C14orf93: variants seen among roughly 807,000 people sequenced by gnomAD.
C14orf93 encodes the protein uncharacterized protein C14orf93.
In C14orf93, 23 loss-of-function variants were observed where a neutral mutation model predicts 44.0. The ratio of observed to expected loss-of-function variants is 0.52; its 90% CI spans 0.38 to 0.74. The LOEUF is 0.74. Ranked by LOEUF, C14orf93 falls within the 30% of genes least tolerant of loss-of-function variation. The pLI is 0.00. For missense variants in C14orf93, 579 were observed against 678.9 expected, an observed-to-expected ratio of 0.85 and a Z score of 1.64; for synonymous variants, 253 against 265.7, an observed-to-expected ratio of 0.95 and a Z score of 0.46.
At chr14:22,989,944 A>G in intron 4 of C14orf93, 99 bp from the exon 5 acceptor site, 1 of 1,444,160 alleles carries the variant, frequency 6.9e-7, no homozygotes, top group African/African-American at 1.4e-5. Context: ...AAATCCCTCC[A>G]CAGCCTAAGA....
chr14:23,009,057 A>C (rs1177168801), intron 1 of C14orf93, among the ~76,000 whole-genome samples: 2 of 152,356 alleles, frequency 1.3e-5, no homozygotes, highest in African/African-American at 4.8e-5. Flanking sequence ...ACAGCTGTAC[A>C]CTTAAGAACG....
rs748556066 is a variant in C14orf93 at position 22,998,437 on chromosome 14, A to AG, written c.586dup (p.Leu196ProfsTer8). On this transcript the variant is annotated frameshift_variant, in exon 2 of 7. Coordinates refer to ENST00000299088, the MANE Select transcript of C14orf93 (RefSeq NM_021944.4). LOFTEE classifies it high-confidence loss of function. The stretch of plus-strand genomic sequence containing the variant: ...TGCTGCCATACTCACAGGATTGAGC[A>AG]GGGGGGCCGCCTCGCTGGCAGCCAG... 1.3e-6 allele frequency: 2 copies of AG among 1,573,008 alleles called. No homozygotes were observed. Among genetic ancestry groups the AG allele is most frequent in the Non-Finnish European group, 1.7e-6 (2 of 1,157,794 alleles).
chr14:22,988,924 T>G (rs1488978506), intron 5 of C14orf93, among the ~76,000 whole-genome samples: 1 of 152,080 alleles, frequency 6.6e-6, no homozygotes, highest in Admixed American at 6.5e-5. Context: ...TCAGTCTCTA[T>G]TTAAAAAAAA....
intron 1 of C14orf93, chr14:23,005,254 G>A (rs1344565005): frequency 2.0e-5 from 3 of 152,136 alleles, no homozygotes; most frequent in African/African-American, 7.2e-5. Context: ...AGAGATAATT[G>A]GTTAAAGACA....
rs200431415 is a variant in C14orf93, at chr14:22,987,677, C to A, written c.1198-43G>T. The A allele has an allele frequency of 5.7e-4, 863 of 1,525,230 alleles. No individual in the cohort carries two copies. Among genetic ancestry groups the A allele is most frequent in the Non-Finnish European group, 7.0e-4 (797 of 1,138,104 alleles). 94.5% of individuals were successfully genotyped at this position (1,525,230 alleles called of 1,614,324 possible). ...GAGATAGATTAGGAAGGTAAACATT[C>A]TATGGATTAGATTTGGGGAAAAGGT... On this transcript the variant is annotated intron_variant, in intron 6 of 6. Transcript: ENST00000299088. This position sits in a 1 kb window ranked among gnomAD's most constrained non-coding sequence, Gnocchi z 5.6.
intron 1 of C14orf93, among the ~76,000 whole-genome samples, chr14:23,008,958 A>G (rs2139860218): frequency 6.6e-6 from 1 of 152,328 alleles, no homozygotes; most frequent in Admixed American, 6.5e-5. Context: ...GAATATTCCA[A>G]CCAATAAACG....
At chr14:22,989,499 A>T (rs938887584) in intron 5 of C14orf93, among the ~76,000 whole-genome samples, 4 of 152,266 alleles carry the variant, frequency 2.6e-5, no homozygotes, top group African/African-American at 9.6e-5. Flanking sequence ...AACAGAATGC[A>T]TGATGCTGTT....
At chr14:22,998,114 G>A (rs114468237) in intron 2 of C14orf93, 4,202 of 315,972 alleles carry the variant, frequency 0.013, 161 homozygotes, top group African/African-American at 0.08. Flanking sequence ...AGGCATCCTC[G>A]CCAGGAGAGG....
chr14:23,004,733 A>G (rs536466311), intron 1 of C14orf93, among the ~76,000 whole-genome samples: 9 of 152,204 alleles, frequency 5.9e-5, no homozygotes, highest in African/African-American at 2.2e-4. Flanking sequence ...AGCCTGACCA[A>G]CATGGAGAAA....
At chr14:23,003,882 ATATATATATATATATATTTTTTTTTTTTT>A (rs1317684400) in intron 1 of C14orf93, among the ~76,000 whole-genome samples, 15 of 14,306 alleles carry the variant, frequency 1.0e-3, no homozygotes, top group African/African-American at 3.1e-3. Flanking sequence ...ATATATATAT[ATATATATATATATATATTTTTTTTTTTTT>A]TTTTTTTTTT....
intron 1 of C14orf93, chr14:23,006,593 T>G (rs1209119554): frequency 6.6e-6 from 1 of 152,260 alleles, no homozygotes; most frequent in Non-Finnish European, 1.5e-5. Context: ...CCACTGCATT[T>G]ATGGAGAAAC....
At chr14:23,002,240 T>C (rs552905929) in intron 1 of C14orf93, among the ~76,000 whole-genome samples, 1 of 151,608 alleles carries the variant, frequency 6.6e-6, no homozygotes. Context: ...AACTTGACGT[T>C]AGGAGTTCTA....
chr14:22,988,001 A>G lies in C14orf93; in HGVS notation c.1099T>C (p.Tyr367His). Residue 367 changes from tyrosine to histidine, a missense_variant, in exon 6 of 7, where the codon TAC becomes CAC. Coordinates refer to ENST00000299088, the MANE Select transcript of C14orf93 (RefSeq NM_021944.4). ...DKELKGACVA[Y>H]FLTKRREYRN... Reference sequence around the variant, plus strand: ...TACTCACGCCTCTTAGTAAGGAAGTAGGCCACACAGGCTCCTGGCGGGGAG... The same window carrying G: ...TACTCACGCCTCTTAGTAAGGAAGTGGGCCACACAGGCTCCTGGCGGGGAG... 1.9e-6 allele frequency: 3 copies of G among 1,612,436 alleles called. No homozygotes were observed. The highest frequency in any genetic ancestry group is 2.5e-6 in the Non-Finnish European group (3 of 1,178,780).
In C14orf93 at chr14:22,999,169, A is replaced by G; in HGVS notation, c.-146T>C. 1 of 1,301,946 alleles carries G rather than the reference A, an allele frequency of 7.7e-7. No individual in the cohort carries two copies. Among genetic ancestry groups the G allele is most frequent in the South Asian group, 1.5e-5 (1 of 66,056 alleles). The allele number at this position is 1,301,946 out of a possible 1,614,324, so 80.6% of individuals were successfully genotyped here. A position where few individuals can be genotyped will look rare whatever the true frequency, so the allele number is the denominator to read the frequency against. ...CAAGCTGTAGGGTCTGTGAAAGAAG[A>G]GTAAACAAGCCATGAAGAAGCACAC... On this transcript the variant is annotated 5_prime_UTR_variant, in exon 2 of 7. Transcript: ENST00000299088.
chr14:22,997,810 C>G (rs776421826), intron 2 of C14orf93, among the ~76,000 whole-genome samples: 2 of 151,978 alleles, frequency 1.3e-5, no homozygotes, highest in Non-Finnish European at 2.9e-5. Flanking sequence ...CTACCTCCCC[C>G]TCGCCTTACC....
At chr14:23,009,765 T>TA in intron 1 of C14orf93, among the ~76,000 whole-genome samples, 1 of 152,232 alleles carries the variant, frequency 6.6e-6, no homozygotes, top group Non-Finnish European at 1.5e-5. Flanking sequence ...TCAGCCCGCT[T>TA]AAAAAATTCT....
intron 1 of C14orf93, among the ~76,000 whole-genome samples, chr14:23,009,360 C>T (rs1280096742): frequency 6.6e-6 from 1 of 152,146 alleles, no homozygotes; most frequent in East Asian, 1.9e-4. Flanking sequence ...GGATACTTTG[C>T]ACACATAAAA....
chr14:22,989,998 G>T, intron 4 of C14orf93, 68 bp downstream of exon 4: 1 of 1,479,594 alleles, frequency 6.8e-7, no homozygotes, highest in South Asian at 1.1e-5. Context: ...CTGTATTGGA[G>T]CATCCCCCTC....
chr14:22,992,793 C>G (rs2045736382), intron 3 of C14orf93, among the ~76,000 whole-genome samples: 1 of 151,996 alleles, frequency 6.6e-6, no homozygotes, highest in South Asian at 2.1e-4. Context: ...CCATGTTGGC[C>G]AGGCTGGTCT....
Sources: gnomAD v4.1 joint callset for allele counts (sites outside exome capture counted in the v4.1 genomes callset) on GRCh38, gnomAD v4.1.1 for gene constraint, Gnocchi (gnomAD v3.1) non-coding constraint, MANE v1.5 for transcripts, NCBI Gene and HGNC (gene_info 2026-07-23, HGNC 2026-07-21) for gene names.